SGCZ: variants seen among roughly 807,000 people sequenced by gnomAD.
SGCZ encodes sarcoglycan zeta, also known as zeta-sarcoglycan.
In SGCZ, 40 loss-of-function variants were observed where a neutral mutation model predicts 41.3. The observed-to-expected ratio is 0.97, with a 90% confidence interval of 0.75 to 1.26. The LOEUF (loss-of-function observed/expected upper bound fraction) is 1.26. Among genes scored for constraint, SGCZ ranks in the 50% most tolerant of loss-of-function variants. The pLI, the probability that SGCZ is intolerant of heterozygous loss-of-function variation, is 0.00. For synonymous variants in SGCZ, 206 were observed against 137.5 expected (o/e 1.50, Z -3.49); for missense variants, 552 against 369.8 (o/e 1.49, Z -4.04).
intron 2 of SGCZ, among the ~76,000 whole-genome samples, chr8:14,525,823 G>C (rs17119628): frequency 6.6e-6 from 1 of 152,030 alleles, no homozygotes; most frequent in Admixed American, 6.6e-5. Flanking sequence ...GGATGTAAAT[G>C]AACACAGTGC....
intron 4 of SGCZ, among the ~76,000 whole-genome samples, chr8:14,232,557 A>C (rs1841911): frequency 2.0e-5 from 3 of 151,700 alleles, no homozygotes; most frequent in Admixed American, 6.6e-5. Flanking sequence ...TATAATTAAG[A>C]TTTTTATACA....
chr8:14,436,324 T>A (rs532808807), intron 2 of SGCZ, among the ~76,000 whole-genome samples: 18 of 152,306 alleles, frequency 1.2e-4, no homozygotes, highest in Middle Eastern at 3.4e-3. Flanking sequence ...CAGCGCATAT[T>A]AAAAGTAGTG....
intron 1 of SGCZ, among the ~76,000 whole-genome samples, chr8:14,881,193 C>T (rs141450861): frequency 6.6e-6 from 1 of 152,028 alleles, no homozygotes; most frequent in African/African-American, 2.4e-5. Flanking sequence ...TTGTTGCATA[C>T]TAATTTTAAT....
At position 14,087,715 on chromosome 8, in the gene SGCZ, A is replaced by T. The variant is rs13255622; in HGVS notation, c.*2728T>A. ...GCAATTAAGGGACCACTATATTTTTAAAAAAAAAAAAATGCTTTTTTGTGT... is the reference window on the plus strand; with the variant it reads ...GCAATTAAGGGACCACTATATTTTTTAAAAAAAAAAAATGCTTTTTTGTGT... On this transcript the variant is annotated 3_prime_UTR_variant, in exon 8 of 8. Coordinates refer to ENST00000382080, the MANE Select transcript of SGCZ (RefSeq NM_139167.4). Among the ~76,000 whole-genome samples the T allele has an allele frequency of 0.11, 8,207 of 75,110 alleles. 219 individuals carry two copies. The highest frequency in any genetic ancestry group is 0.18 in the African/African-American group (2,761 of 15,664). 49.3% of individuals were successfully genotyped at this position (75,110 alleles called of 152,430 possible). A position where few individuals can be genotyped will look rare whatever the true frequency, so the allele number is the denominator to read the frequency against.
At chr8:14,236,688 C>A (rs1161737266) in intron 4 of SGCZ, among the ~76,000 whole-genome samples, 1 of 151,382 alleles carries the variant, frequency 6.6e-6, no homozygotes, top group African/African-American at 2.4e-5. Context: ...GTATGTATAA[C>A]TAGATAGAGA....
intron 2 of SGCZ, among the ~76,000 whole-genome samples, chr8:14,514,056 G>A (rs1802540889): frequency 6.6e-6 from 1 of 152,048 alleles, no homozygotes; most frequent in Non-Finnish European, 1.5e-5. Flanking sequence ...AACACTGTAG[G>A]AGTTGCATTG....
At chr8:14,440,717 GTATACACGTATATGTATA>G (rs1800228848) in intron 2 of SGCZ, among the ~76,000 whole-genome samples, 1 of 52,514 alleles carries the variant, frequency 1.9e-5, no homozygotes, top group South Asian at 4.2e-4. Context: ...ATATACATAC[GTATACACGTATATGTATA>G]TATGTATATA....
intron 2 of SGCZ, among the ~76,000 whole-genome samples, chr8:14,386,692 G>C (rs1400303168): frequency 6.6e-6 from 1 of 152,042 alleles, no homozygotes; most frequent in Non-Finnish European, 1.5e-5. Context: ...CATTATTATA[G>C]AAATGGGCTG....
At chr8:14,594,299 A>G (rs761982122) in intron 1 of SGCZ, among the ~76,000 whole-genome samples, 1 of 152,068 alleles carries the variant, frequency 6.6e-6, no homozygotes, top group African/African-American at 2.4e-5. Context: ...TTGCATCTTT[A>G]TCAAGTTTGG....
chr8:14,885,176 T>A (rs1258352276), intron 1 of SGCZ, among the ~76,000 whole-genome samples: 1 of 152,194 alleles, frequency 6.6e-6, no homozygotes, highest in Non-Finnish European at 1.5e-5. Context: ...AATCTCTATT[T>A]AATATGTCCA....
intron 1 of SGCZ, among the ~76,000 whole-genome samples, chr8:14,802,265 A>G (rs1167843208): frequency 1.3e-5 from 2 of 152,230 alleles, no homozygotes; most frequent in Non-Finnish European, 2.9e-5. Flanking sequence ...ATGTGTATTT[A>G]GAAGGTGCTT....
chr8:15,231,512 A>G (rs1362576952), intron 1 of SGCZ, among the ~76,000 whole-genome samples: 1 of 151,768 alleles, frequency 6.6e-6, no homozygotes. Context: ...GTCTCTCATC[A>G]GTTTCACTGA....
chr8:15,077,856 T>C (rs1297860314), intron 1 of SGCZ, among the ~76,000 whole-genome samples: 2 of 152,136 alleles, frequency 1.3e-5, no homozygotes, highest in Admixed American at 6.5e-5. Context: ...TAAAAACCTT[T>C]TGAGAGATGC....
chr8:14,429,097 A>C (rs987964394), intron 2 of SGCZ, among the ~76,000 whole-genome samples: 4 of 152,230 alleles, frequency 2.6e-5, no homozygotes, highest in Admixed American at 2.0e-4. Context: ...CTTAGAATAG[A>C]TCACAGAACA....
At chr8:14,454,902 G>T (rs1800699120) in intron 2 of SGCZ, among the ~76,000 whole-genome samples, 2 of 152,162 alleles carry the variant, frequency 1.3e-5, no homozygotes, top group Non-Finnish European at 2.9e-5. Context: ...GCATATACAT[G>T]TAAAAATGAA....
chr8:14,999,491 G>A (rs140263721), intron 1 of SGCZ, among the ~76,000 whole-genome samples: 40 of 152,226 alleles, frequency 2.6e-4, no homozygotes, highest in African/African-American at 9.4e-4. Context: ...CTAAATCAAG[G>A]ATAACCAAAA....
At chr8:15,014,620 T>C (rs1326025522) in intron 1 of SGCZ, among the ~76,000 whole-genome samples, 1 of 152,144 alleles carries the variant, frequency 6.6e-6, no homozygotes, top group East Asian at 1.9e-4. Context: ...TCCATAGCAT[T>C]TGGCTACTCA....
intron 1 of SGCZ, among the ~76,000 whole-genome samples, chr8:14,952,092 G>T (rs770216820): frequency 3.0e-4 from 45 of 152,102 alleles, no homozygotes; most frequent in Non-Finnish European, 6.0e-4. Context: ...CATCAAAAAT[G>T]AAAGGTAAGA....
intron 1 of SGCZ, among the ~76,000 whole-genome samples, chr8:14,997,535 C>T (rs1265125077): frequency 6.6e-6 from 1 of 152,164 alleles, no homozygotes; most frequent in Non-Finnish European, 1.5e-5. Flanking sequence ...TATAATCGAG[C>T]TGCAATGCTT....
Sources: gnomAD v4.1 joint callset for allele counts (sites outside exome capture counted in the v4.1 genomes callset) on GRCh38, gnomAD v4.1.1 for gene constraint, MANE v1.5 for transcripts, NCBI Gene and HGNC (gene_info 2026-07-23, HGNC 2026-07-21) for gene names.